CPED1: variants seen among roughly 807,000 people sequenced by gnomAD.
CPED1 encodes the protein cadherin like and PC-esterase domain containing 1, also known as cadherin-like and PC-esterase domain-containing protein 1.
CPED1 carries 114 observed loss-of-function variants against 128.2 expected under a neutral mutation model. The observed-to-expected ratio is 0.89, with a 90% CI of 0.76 to 1.04. CPED1 has a LOEUF of 1.04. CPED1 is among the 50% of genes least tolerant of loss of function. The probability of loss-of-function intolerance (pLI) is 0.00; values close to 1 mark genes in which losing one functional copy is unlikely to be tolerated. For synonymous variants in CPED1, 462 were observed against 426.7 expected (o/e 1.08, Z -1.02); for missense variants, 1,211 against 1,207.1 (o/e 1.00, Z -0.05).
intron 16 of CPED1, among the ~76,000 whole-genome samples, chr7:121,199,503 C>A (rs1797340594): frequency 6.6e-6 from 1 of 150,958 alleles, no homozygotes; most frequent in Non-Finnish European, 1.5e-5. Context: ...CATGGTGAAA[C>A]CTGTCTCTAC....
intron 14 of CPED1, among the ~76,000 whole-genome samples, chr7:121,137,885 C>T (rs969857368): frequency 1.3e-5 from 2 of 152,046 alleles, no homozygotes; most frequent in African/African-American, 4.8e-5. Flanking sequence ...ATGCAACATC[C>T]AGAAAGCAAC....
intron 3 of CPED1, among the ~76,000 whole-genome samples, chr7:121,018,563 C>A (rs1792362571): frequency 6.6e-6 from 1 of 152,048 alleles, no homozygotes. Flanking sequence ...GATACTCTCA[C>A]AAATGTTACT....
chr7:121,140,739 CAGAAAA>C (rs3832520), intron 14 of CPED1, 82 bp from the exon 15 acceptor site: 96,373 of 947,398 alleles, frequency 0.1, 5,116 homozygotes, highest in South Asian at 0.14. Context: ...TCAAAGGAAA[CAGAAAA>C]AGAAAAACCT....
At chr7:121,216,840 T>G (rs868545829) in intron 16 of CPED1, among the ~76,000 whole-genome samples, 46 of 152,052 alleles carry the variant, frequency 3.0e-4, no homozygotes, top group African/African-American at 1.1e-3. Context: ...CCACAGCAAT[T>G]ATCATATTTG....
intron 16 of CPED1, among the ~76,000 whole-genome samples, chr7:121,188,643 G>A (rs1026882725): frequency 2.6e-5 from 4 of 152,120 alleles, no homozygotes; most frequent in Non-Finnish European, 5.9e-5. Context: ...TAGAGATGGG[G>A]AAAGGGGAGA....
rs1793773703 is a variant in CPED1 at position 121,064,458 on chromosome 7, G to A, written c.616+145G>A. The A allele has an allele frequency of 6.7e-6, 4 of 595,952 alleles. No individual in the cohort carries two copies. In the East Asian group the frequency reaches 1.1e-4, roughly 17 times the overall value. The allele number at this position is 595,952 out of a possible 1,614,324, so 36.9% of individuals were successfully genotyped here. ...TCACAGATCTTCCGCAGTTCACAAC[G>A]CTTTGCCAATGAAAAGACCTAAAGT... On this transcript the variant is annotated intron_variant, in intron 5 of 22. Coordinates refer to ENST00000310396, the MANE Select transcript of CPED1 (RefSeq NM_024913.5).
intron 16 of CPED1, among the ~76,000 whole-genome samples, chr7:121,160,310 C>G (rs181084134): frequency 2.7e-4 from 41 of 152,226 alleles, no homozygotes; most frequent in African/African-American, 8.4e-4. Context: ...TACAGTTCCT[C>G]TTCTCCTTAT....
At chr7:121,171,537 A>G (rs577594429) in intron 16 of CPED1, among the ~76,000 whole-genome samples, 2 of 152,284 alleles carry the variant, frequency 1.3e-5, no homozygotes, top group South Asian at 2.1e-4. Flanking sequence ...TGTTATATCC[A>G]TATACCAGCC....
At chr7:121,246,084 C>T (rs1798524280) in intron 18 of CPED1, among the ~76,000 whole-genome samples, 1 of 152,146 alleles carries the variant, frequency 6.6e-6, no homozygotes, top group African/African-American at 2.4e-5. Context: ...GCTGTTGCCA[C>T]ACAGCCAGAC....
At chr7:121,131,884 G>A (rs1795679334) in intron 12 of CPED1, among the ~76,000 whole-genome samples, 1 of 151,312 alleles carries the variant, frequency 6.6e-6, no homozygotes, top group African/African-American at 2.4e-5. Context: ...TGTAGCACAG[G>A]TAGATAGTAA....
At chr7:121,116,389 AATG>A (rs1161477119) in intron 7 of CPED1, among the ~76,000 whole-genome samples, 3 of 152,242 alleles carry the variant, frequency 2.0e-5, no homozygotes, top group Non-Finnish European at 4.4e-5. Context: ...AACTAAAACA[AATG>A]ATGAGAGTAT....
At chr7:121,254,552 C>T (rs1022154547) in intron 18 of CPED1, among the ~76,000 whole-genome samples, 1 of 151,718 alleles carries the variant, frequency 6.6e-6, no homozygotes, top group South Asian at 2.1e-4. Flanking sequence ...AAATAAATAA[C>T]TAATGTTAGA....
intron 16 of CPED1, among the ~76,000 whole-genome samples, chr7:121,214,763 C>T (rs1358925717): frequency 6.6e-6 from 1 of 151,976 alleles, no homozygotes; most frequent in Non-Finnish European, 1.5e-5. Flanking sequence ...TTCACAATGC[C>T]ATAGTAGTCT....
At chr7:121,026,931 A>G (rs1005310025) in intron 3 of CPED1, among the ~76,000 whole-genome samples, 3 of 148,474 alleles carry the variant, frequency 2.0e-5, no homozygotes, top group Admixed American at 6.9e-5. Context: ...CCTGGCCTCA[A>G]TGGATCCTCC....
At chr7:121,256,141 A>AAAAAC (rs1791866950) in intron 18 of CPED1, among the ~76,000 whole-genome samples, 47 of 143,582 alleles carry the variant, frequency 3.3e-4, no homozygotes, top group African/African-American at 1.2e-3. Context: ...AAAAAAAAAA[A>AAAAAC]CAAAGCTTAT....
intron 5 of CPED1, among the ~76,000 whole-genome samples, chr7:121,092,226 C>G (rs1265835679): frequency 6.6e-6 from 1 of 152,184 alleles, no homozygotes; most frequent in South Asian, 2.1e-4. Context: ...CAATCTAACA[C>G]TACATTGTGG....
intron 5 of CPED1, among the ~76,000 whole-genome samples, chr7:121,071,148 T>C (rs948152695): frequency 2.0e-5 from 3 of 152,040 alleles, no homozygotes; most frequent in Non-Finnish European, 2.9e-5. Context: ...AAGAGAAGAG[T>C]TGAAGATACA....
intron 7 of CPED1, among the ~76,000 whole-genome samples, chr7:121,113,532 C>T (rs1795163809): frequency 6.6e-6 from 1 of 152,126 alleles, no homozygotes; most frequent in African/African-American, 2.4e-5. Context: ...GCCAAGACAG[C>T]ATGAATCATG....
At chr7:121,137,733 C>T (rs1563041212) in intron 14 of CPED1, among the ~76,000 whole-genome samples, 1 of 152,020 alleles carries the variant, frequency 6.6e-6, no homozygotes, top group African/African-American at 2.4e-5. Context: ...CAATCTCCTA[C>T]CCCCAGAAAA....
Sources: allele counts gnomAD v4.1 joint callset (sites outside exome capture counted in the v4.1 genomes callset), GRCh38; gene constraint gnomAD v4.1.1; transcripts MANE v1.5; gene names NCBI Gene and HGNC (gene_info 2026-07-23, HGNC 2026-07-21).